Variants in ELAC1 observed in about 807,000 individuals in gnomAD.
The protein encoded by ELAC1 is elaC ribonuclease Z 1.
A neutral mutation model predicts 25.8 loss-of-function variants in ELAC1; 19 were observed. The ratio of observed to expected loss-of-function variants is 0.74; its 90% CI spans 0.51 to 1.08. ELAC1 has a LOEUF of 1.08. Among genes scored for constraint, ELAC1 ranks in the 50% least tolerant of loss-of-function variants. The pLI is 0.00. For missense variants in ELAC1, 403 were observed against 434.6 expected (o/e 0.93, Z 0.65); for synonymous variants, 148 against 160.9 (o/e 0.92, Z 0.61).
Position 50,986,034 on chromosome 18 carries a change from T to TG in ELAC1, c.626-585_626-584insG, listed in dbSNP as rs1284180239. Among the ~76,000 whole-genome samples, 4 of 141,348 alleles carry TG rather than the reference T, an allele frequency of 2.8e-5. No homozygotes were observed. In the East Asian group the frequency reaches 8.1e-4, roughly 29 times the overall value. 92.7% of individuals were successfully genotyped at this position (141,348 alleles called of 152,430 possible). On this transcript the variant is annotated intron_variant, in intron 3 of 3. Transcript: ENST00000269466. ...ATCTTTTTTTTTTTTTTTTTTTTTT[T>TG]TGAGGCAGTCTCACTCTGTTGTCCA... is the stretch of plus-strand genomic sequence containing the variant.
At position 50,987,417 on chromosome 18, in the gene ELAC1, C is replaced by T; in HGVS notation, c.*332C>T. The T allele has an allele frequency of 5.1e-6, 1 of 195,864 alleles. No individual in the cohort carries two copies. Among genetic ancestry groups the T allele is most frequent in the Non-Finnish European group, 1.0e-5 (1 of 97,472 alleles). The allele number at this position is 195,864 out of a possible 1,614,324, so 12.1% of individuals were successfully genotyped here. A position where few individuals can be genotyped will look rare whatever the true frequency, so the allele number is the denominator to read the frequency against. On this transcript the variant is annotated 3_prime_UTR_variant, in exon 4 of 4. Transcript: ENST00000269466. Reference sequence around the variant, plus strand: ...GCTTAGCTTCTGCCCAGCTTTATTGCTGCTATTGGCAAAGAGCACAGGACT... The same window carrying T: ...GCTTAGCTTCTGCCCAGCTTTATTGTTGCTATTGGCAAAGAGCACAGGACT...
chr18:50,974,599 G>T (rs1329719583), intron 2 of ELAC1, 38 bp downstream of exon 2: 2 of 1,600,120 alleles, frequency 1.2e-6, no homozygotes, highest in Non-Finnish European at 1.7e-6. Flanking sequence ...AGATTTTTTT[G>T]TTGTTCTGCT....
At chr18:50,981,778 C>T (rs966628156) in intron 2 of ELAC1, among the ~76,000 whole-genome samples, 11 of 151,346 alleles carry the variant, frequency 7.3e-5, no homozygotes, top group Admixed American at 1.3e-4. Flanking sequence ...GGAAAGGGCC[C>T]AGAAAGTCAG....
intron 2 of ELAC1, among the ~76,000 whole-genome samples, chr18:50,978,017 A>G (rs1185691283): frequency 2.6e-5 from 4 of 152,168 alleles, no homozygotes; most frequent in Non-Finnish European, 4.4e-5. Flanking sequence ...TCAGTTCCCA[A>G]TAAGTTCCTC....
chr18:50,980,763 GAAAAAAAAAAAA>G (rs761954317), intron 2 of ELAC1, among the ~76,000 whole-genome samples: 2 of 67,842 alleles, frequency 2.9e-5, no homozygotes, highest in Admixed American at 1.9e-4. Context: ...ACTCCATCTC[GAAAAAAAAAAAA>G]AAAAAAAGAA....
rs144462801 is a variant in ELAC1 at position 50,984,411 on chromosome 18, T to C, written c.473T>C (p.Leu158Ser). ...PKEEQGRTIL[L>S]DSEENSYLLF... ...GAGGAACAAGGAAGAACTATCCTGT[T>C]AGACTCAGAAGAAAACTCATACCTT... The change falls in exon 3 of 4, where the codon TTA becomes TCA. Residue 158 changes from leucine to serine, a missense_variant. Transcript: ENST00000269466. 58 of 1,614,078 alleles carry C rather than the reference T, an allele frequency of 3.6e-5. No individual in the cohort carries two copies. The highest frequency in any genetic ancestry group is 4.2e-5 in the Non-Finnish European group (49 of 1,180,032).
chr18:50,976,466 C>A (rs1339861682), intron 2 of ELAC1, among the ~76,000 whole-genome samples: 3 of 152,134 alleles, frequency 2.0e-5, no homozygotes, highest in African/African-American at 7.2e-5. Flanking sequence ...AAAGCATATG[C>A]AGGGGAACCA....
chr18:50,980,763 G>GAAAAAAAAAAAAAAAAAAAAAAAAA (rs761954317), intron 2 of ELAC1, among the ~76,000 whole-genome samples: 1 of 67,842 alleles, frequency 1.5e-5, no homozygotes, highest in African/African-American at 4.5e-5. Context: ...ACTCCATCTC[G>GAAAAAAAAAAAAAAAAAAAAAAAAA]AAAAAAAAAA....
Position 50,972,028 on chromosome 18 carries a change from C to T in ELAC1, c.-8-2369C>T, listed in dbSNP as rs534991542. On this transcript the variant is annotated intron_variant, in intron 1 of 3. Coordinates refer to ENST00000269466, the MANE Select transcript of ELAC1 (RefSeq NM_018696.3). Reference sequence around the variant, plus strand: ...TTTTTTTTTTTAGGAGCATTAACCCCCTGTCATAAGGGGGTCCAAACTTTT... The same window carrying T: ...TTTTTTTTTTTAGGAGCATTAACCCTCTGTCATAAGGGGGTCCAAACTTTT... 2.1e-5 allele frequency among the ~76,000 whole-genome samples: 3 copies of T among 144,836 alleles called. No homozygotes were observed. The South Asian group carries it at 6.5e-4, about 31-fold the overall frequency.
chr18:50,978,954 C>G (rs1458305428), intron 2 of ELAC1, among the ~76,000 whole-genome samples: 2 of 152,156 alleles, frequency 1.3e-5, no homozygotes, highest in Admixed American at 6.5e-5. Context: ...AGGTGCTATT[C>G]TTTGCTTTTC....
chr18:50,984,894 T>A (rs1908058539), intron 3 of ELAC1: 1 of 378,006 alleles, frequency 2.6e-6, no homozygotes, highest in Non-Finnish European at 4.7e-6. Flanking sequence ...ATAGTGTTAC[T>A]ATACTCCAGC....
At chr18:50,980,983 A>G (rs1907934425) in intron 2 of ELAC1, among the ~76,000 whole-genome samples, 1 of 151,992 alleles carries the variant, frequency 6.6e-6, no homozygotes, top group African/African-American at 2.4e-5. Flanking sequence ...CTCTAGGGAT[A>G]ATGGATATAT....
At chr18:50,984,670 G>C (rs993165189) in intron 3 of ELAC1, 107 bp downstream of exon 3, 14 of 845,158 alleles carry the variant, frequency 1.7e-5, no homozygotes, top group Non-Finnish European at 2.5e-5. Flanking sequence ...TGTGGCTCAC[G>C]CCTGTAATCC....
intron 1 of ELAC1, among the ~76,000 whole-genome samples, chr18:50,972,063 G>T (rs200759031): frequency 2.8e-5 from 4 of 144,864 alleles, no homozygotes; most frequent in Non-Finnish European, 4.5e-5. Context: ...TTTTTTTCAG[G>T]TTTTTTTTCT....
chr18:50,978,793 C>G (rs1475448156), intron 2 of ELAC1, among the ~76,000 whole-genome samples: 2 of 152,132 alleles, frequency 1.3e-5, no homozygotes, highest in African/African-American at 4.8e-5. Context: ...AGAATTAATA[C>G]AAGTTACTGA....
At chr18:50,985,369 C>A (rs1032936297) in intron 3 of ELAC1, among the ~76,000 whole-genome samples, 3 of 152,164 alleles carry the variant, frequency 2.0e-5, no homozygotes, top group Non-Finnish European at 2.9e-5. Context: ...TATTCAAAAC[C>A]CTGTGCCTCA....
chr18:50,983,869 CTA>C (rs1024717447), intron 2 of ELAC1, among the ~76,000 whole-genome samples: 1 of 150,998 alleles, frequency 6.6e-6, no homozygotes, highest in African/African-American at 2.4e-5. Context: ...AAAAAAAAAA[CTA>C]TTAAAAACAA....
chr18:50,980,302 C>G (rs1475026235), intron 2 of ELAC1, among the ~76,000 whole-genome samples: 4 of 151,666 alleles, frequency 2.6e-5, no homozygotes, highest in Non-Finnish European at 4.4e-5. Context: ...GAGCAAGACC[C>G]TGTCTCAACA....
intron 1 of ELAC1, among the ~76,000 whole-genome samples, chr18:50,972,878 C>T (rs1465031897): frequency 1.3e-5 from 2 of 152,192 alleles, no homozygotes; most frequent in African/African-American, 4.8e-5. Context: ...CTCATCCCTT[C>T]TCAGACATTT....
Sources: gnomAD v4.1 joint callset for allele counts (sites outside exome capture counted in the v4.1 genomes callset) on GRCh38, gnomAD v4.1.1 for gene constraint, MANE v1.5 for transcripts, NCBI Gene and HGNC (gene_info 2026-07-23, HGNC 2026-07-21) for gene names.